Variants in STUM observed in about 807,000 individuals in gnomAD.
The protein encoded by STUM is protein stum homolog.
In STUM, 8 loss-of-function variants were observed where a neutral mutation model predicts 15.3. The ratio of observed to expected loss-of-function variants is 0.52; its 90% CI spans 0.31 to 0.94. STUM has a LOEUF of 0.94. Ranked by LOEUF, STUM falls within the 40% of genes least tolerant of loss-of-function variation. The probability of loss-of-function intolerance (pLI) is 0.05; values close to 1 mark genes in which losing one functional copy is unlikely to be tolerated. For synonymous variants in STUM, 78 were observed against 88.7 expected, an observed-to-expected ratio of 0.88 and a Z score of 0.68; for missense variants, 142 against 204.9, an observed-to-expected ratio of 0.69 and a Z score of 1.87.
chr1:226,597,080 C>T (rs1161220530), intron 2 of STUM, 99 bp downstream of exon 2: 12 of 1,151,174 alleles, frequency 1.0e-5, no homozygotes, highest in Middle Eastern at 2.1e-4. Context: ...CCTGCTCACC[C>T]GCTAAGCACG....
chr1:226,576,518 A>G (rs1228242498), intron 1 of STUM, among the ~76,000 whole-genome samples: 1 of 152,222 alleles, frequency 6.6e-6, no homozygotes, highest in South Asian at 2.1e-4. Flanking sequence ...AAGGTTGCCA[A>G]TGACTAGTGA....
In STUM at chr1:226,548,954, T is replaced by C. The variant is rs1364260453; in HGVS notation, c.50T>C (p.Val17Ala). Residue 17 changes from valine to alanine, a missense_variant, in exon 1 of 4, where the codon GTG (valine) becomes GCG (alanine). Val to Ala is a moderately conservative substitution (Grantham distance 64, BLOSUM62 0). This residue lies in a region of STUM where 113 missense variants were observed against 134.4 expected (regional missense o/e 0.84). Coordinates refer to ENST00000366788, the MANE Select transcript of STUM (RefSeq NM_001003665.4). ...GAGACGGCGGCGGCGGCGGCGGCGG[T>C]GGCGGCGGCGGACCCCCGGGGGGCG... The part of the protein sequence containing the change: ...DAETAAAAAA[V>A]AAADPRGASS... 3.1e-5 allele frequency: 45 copies of C among 1,462,774 alleles called. No homozygotes were observed. The highest frequency in any genetic ancestry group is 3.6e-4 in the Middle Eastern group (2 of 5,482). The allele number at this position is 1,462,774 out of a possible 1,614,324, so 90.6% of individuals were successfully genotyped here.
chr1:226,586,584 A>G (rs1668001812), intron 1 of STUM, among the ~76,000 whole-genome samples: 1 of 152,094 alleles, frequency 6.6e-6, no homozygotes, highest in Non-Finnish European at 1.5e-5. Flanking sequence ...CATCCCCACA[A>G]GAGCTCCTTT....
chr1:226,605,691 G>C lies in STUM; in HGVS notation c.*3651G>C, dbSNP rs539389697. On this transcript the variant is annotated 3_prime_UTR_variant, in exon 4 of 4. Coordinates refer to ENST00000366788, the MANE Select transcript of STUM (RefSeq NM_001003665.4). The surrounding 1 kb of genome is among the most constrained non-coding windows in gnomAD (Gnocchi z 4.0). ...CCTCCTGAGACCTGTCATCACTTAG[G>C]GGGAGTTGGGCAAAACCTCCTAGGA... The C allele has an allele frequency of 5.3e-5, 8 of 152,322 alleles. No homozygotes were observed. In the South Asian group the frequency reaches 1.5e-3, roughly 28 times the overall value. 9.4% of individuals were successfully genotyped at this position (152,322 alleles called of 1,614,324 possible).
intron 1 of STUM, among the ~76,000 whole-genome samples, chr1:226,579,379 G>A (rs1030442414): frequency 6.6e-6 from 1 of 152,200 alleles, no homozygotes; most frequent in Admixed American, 6.5e-5. Flanking sequence ...GTGCTGGGCT[G>A]CGTGCTGGGA....
At chr1:226,582,750 G>A (rs1667939761) in intron 1 of STUM, among the ~76,000 whole-genome samples, 1 of 152,184 alleles carries the variant, frequency 6.6e-6, no homozygotes, top group Non-Finnish European at 1.5e-5. Context: ...GCTGTCTCCT[G>A]AAGCCCCAGT....
chr1:226,561,463 G>A (rs978394699), intron 1 of STUM, among the ~76,000 whole-genome samples: 12 of 152,194 alleles, frequency 7.9e-5, no homozygotes, highest in Admixed American at 2.6e-4. Flanking sequence ...GTCCTGCAGC[G>A]TGTGTGTCTC....
At position 226,596,983 on chromosome 1, in the gene STUM, T is replaced by C; in HGVS notation, c.382+2T>C. 6.2e-7 allele frequency: 1 copy of C among 1,613,976 alleles called. No individual in the cohort carries two copies. Among genetic ancestry groups the C allele is most frequent in the Non-Finnish European group, 8.5e-7 (1 of 1,179,832 alleles). ...GCATGGACATGGTCATCCTTGCCAG[T>C]GAGTAGCTGTTGGTGCTGCGCCTCC... On this transcript the variant is annotated splice_donor_variant, in intron 2 of 3. Transcript: ENST00000366788. LOFTEE classifies it high-confidence loss of function.
intron 1 of STUM, among the ~76,000 whole-genome samples, chr1:226,583,893 C>A (rs12749398): frequency 6.6e-6 from 1 of 151,928 alleles, no homozygotes; most frequent in South Asian, 2.1e-4. Context: ...AAAAACCAAA[C>A]ATCCTCGCCC....
At chr1:226,559,349 G>A (rs183329577) in intron 1 of STUM, among the ~76,000 whole-genome samples, 202 of 152,256 alleles carry the variant, frequency 1.3e-3, no homozygotes, top group African/African-American at 4.5e-3. Context: ...TTCAATTTAC[G>A]GACAAGGGAA....
intron 1 of STUM, among the ~76,000 whole-genome samples, chr1:226,593,926 C>T (rs1668129964): frequency 2.0e-5 from 3 of 152,192 alleles, no homozygotes; most frequent in African/African-American, 7.2e-5. Flanking sequence ...ACAAATGCCA[C>T]AGGCGATGAG....
At chr1:226,571,689 G>A (rs538219699) in intron 1 of STUM, among the ~76,000 whole-genome samples, 9 of 151,838 alleles carry the variant, frequency 5.9e-5, no homozygotes, top group Non-Finnish European at 1.3e-4. Flanking sequence ...GCCCAGGCTG[G>A]AGTGCAATGG....
rs187285214 is a variant in STUM, at chr1:226,603,183, C to T, written c.*1143C>T. 124 of 152,304 alleles carry T rather than the reference C, an allele frequency of 8.1e-4. No homozygotes were observed. Among genetic ancestry groups the T allele is most frequent in the African/African-American group, 2.9e-3 (119 of 41,562 alleles). The allele number at this position is 152,304 out of a possible 1,614,324, so 9.4% of individuals were successfully genotyped here. A position where few individuals can be genotyped will look rare whatever the true frequency, so the allele number is the denominator to read the frequency against. On this transcript the variant is annotated 3_prime_UTR_variant, in exon 4 of 4. Transcript: ENST00000366788. The stretch of plus-strand genomic sequence containing the variant: ...GGTTGTGGACCTTGATCTGAAAATC[C>T]TGCTTGCAAACAGATGTGTTAGAGG...
intron 1 of STUM, among the ~76,000 whole-genome samples, chr1:226,582,609 AAG>A (rs1185927689): frequency 6.6e-6 from 1 of 151,748 alleles, no homozygotes; most frequent in African/African-American, 2.4e-5. Flanking sequence ...AAAAAAAAAA[AAG>A]ACATCAGTAT....
At chr1:226,601,946 C>G in intron 3 of STUM, 60 bp from the exon 4 acceptor site, 5 of 1,513,672 alleles carry the variant, frequency 3.3e-6, no homozygotes, top group Non-Finnish European at 4.6e-6. Context: ...GGGGCACCTC[C>G]TGGAGAAATC....
rs1199276909 is a variant in STUM, at chr1:226,603,323, G to T, written c.*1283G>T. 6.6e-6 allele frequency: 1 copy of T among 152,214 alleles called. No homozygotes were observed. The highest frequency in any genetic ancestry group is 2.4e-5 in the African/African-American group (1 of 41,444). 9.4% of individuals were successfully genotyped at this position (152,214 alleles called of 1,614,324 possible). On this transcript the variant is annotated 3_prime_UTR_variant, in exon 4 of 4. Transcript: ENST00000366788. ...GGGCTAGATCCCTAATGGGGGCTAGGGGTGGGGAGAATCTAGCAGAAGTTG... is the reference window on the plus strand; with the variant it reads ...GGGCTAGATCCCTAATGGGGGCTAGTGGTGGGGAGAATCTAGCAGAAGTTG...
In STUM at chr1:226,568,853, G is replaced by C. The variant is rs532681733; in HGVS notation, c.202+19747G>C. ...GCTCCTGGTGCCAGGAATGAGGGTG[G>C]CCTCTCTTATTCTCTAGAAGTAAGG... is the stretch of plus-strand genomic sequence containing the variant. On this transcript the variant is annotated intron_variant, in intron 1 of 3. Coordinates refer to ENST00000366788, the MANE Select transcript of STUM (RefSeq NM_001003665.4). Among the ~76,000 whole-genome samples, 182 of 152,314 alleles carry C rather than the reference G, an allele frequency of 1.2e-3. 2 individuals are homozygous for C. Among genetic ancestry groups the C allele is most frequent in the African/African-American group, 4.2e-3 (176 of 41,562 alleles).
chr1:226,566,307 A>G (rs1454322665), intron 1 of STUM, among the ~76,000 whole-genome samples: 2 of 152,224 alleles, frequency 1.3e-5, no homozygotes, highest in African/African-American at 4.8e-5. Flanking sequence ...AGCCATGCCA[A>G]TTACATTTTT....
intron 1 of STUM, among the ~76,000 whole-genome samples, chr1:226,562,412 T>C (rs1193109413): frequency 6.7e-6 from 1 of 149,800 alleles, no homozygotes; most frequent in Non-Finnish European, 1.5e-5. Context: ...TAGGTTGCAG[T>C]GAGCCGAGAT....
Sources: gnomAD v4.1 joint callset for allele counts (sites outside exome capture counted in the v4.1 genomes callset) on GRCh38, gnomAD v4.1.1 for gene constraint, gnomAD v4.1.1 regional missense constraint, Gnocchi (gnomAD v3.1) non-coding constraint, MANE v1.5 for transcripts, NCBI Gene and HGNC (gene_info 2026-07-23, HGNC 2026-07-21) for gene names.